Variants in AP1S3 observed in about 807,000 individuals in gnomAD.
AP1S3 encodes the protein AP-1 complex subunit sigma-3.
AP1S3 carries 10 observed loss-of-function variants against 20.9 expected under a neutral mutation model. The ratio of observed to expected loss-of-function variants is 0.48; its 90% CI spans 0.29 to 0.81. AP1S3 has a LOEUF of 0.81. Among genes scored for constraint, AP1S3 ranks in the 30% least tolerant of loss-of-function variants. The pLI is 0.08. For missense variants in AP1S3, 154 were observed against 183.8 expected (o/e 0.84, Z 0.94); for synonymous variants, 41 against 61.5 (o/e 0.67, Z 1.56).
At chr2:223,815,994 C>T (rs1004049847) in intron 1 of AP1S3, among the ~76,000 whole-genome samples, 2 of 152,158 alleles carry the variant, frequency 1.3e-5, no homozygotes, top group African/African-American at 4.8e-5. Context: ...CCTGTGGTCC[C>T]AGCTACTCAG....
At chr2:223,817,969 A>G (rs1691893292) in intron 1 of AP1S3, among the ~76,000 whole-genome samples, 1 of 152,132 alleles carries the variant, frequency 6.6e-6, no homozygotes, top group Admixed American at 6.5e-5. Context: ...GGGCACTTTT[A>G]TATACATTAT....
At position 223,780,341 on chromosome 2, in the gene AP1S3, AGAGAGAGAGAGAGAGAGTGTGT is replaced by A. The variant is rs1438551775; in HGVS notation, c.4-2494_4-2473del. Among the ~76,000 whole-genome samples, 189 of 121,742 alleles carry A rather than the reference AGAGAGAGAGAGAGAGAGTGTGT, an allele frequency of 1.6e-3. 2 individuals are homozygous for A. The highest frequency in any genetic ancestry group is 6.2e-3 in the African/African-American group (177 of 28,454). 79.9% of individuals were successfully genotyped at this position (121,742 alleles called of 152,430 possible). ...GAGAGAGAGAGAGAGAGAGAGAGAG[AGAGAGAGAGAGAGAGAGTGTGT>A]GTGTGTGTGTGTGTGTGTGTGTGTG... is the stretch of plus-strand genomic sequence containing the variant. On this transcript the variant is annotated intron_variant, in intron 1 of 4. Transcript: ENST00000396654.
At chr2:223,791,485 C>G (rs1015219861) in intron 1 of AP1S3, among the ~76,000 whole-genome samples, 2 of 152,120 alleles carry the variant, frequency 1.3e-5, no homozygotes, top group South Asian at 2.1e-4. Flanking sequence ...ATTCAACATC[C>G]CTTCATGTTA....
intron 1 of AP1S3, among the ~76,000 whole-genome samples, chr2:223,814,575 C>A (rs1691802606): frequency 6.6e-6 from 1 of 152,082 alleles, no homozygotes; most frequent in Non-Finnish European, 1.5e-5. Flanking sequence ...TTCCAAAGAC[C>A]CTAACAAACT....
At chr2:223,821,258 C>A (rs140479953) in intron 1 of AP1S3, among the ~76,000 whole-genome samples, 2 of 152,204 alleles carry the variant, frequency 1.3e-5, no homozygotes, top group African/African-American at 4.8e-5. Context: ...CAGATTCAAG[C>A]GATTTTCCTG....
rs1032810147 is a variant in AP1S3 at position 223,756,928 on chromosome 2, G to A, written c.*1787C>T. The A allele has an allele frequency of 3.0e-6, 3 of 984,934 alleles. No homozygotes were observed. In the African/African-American group the frequency reaches 5.3e-5, roughly 17 times the overall value. 61.0% of individuals were successfully genotyped at this position (984,934 alleles called of 1,614,324 possible). A position where few individuals can be genotyped will look rare whatever the true frequency, so the allele number is the denominator to read the frequency against. ...AGACCTCAAAGCTAACATTGAAAAT[G>A]CACAGGTAAAACATCAAATAGCAGG... On this transcript the variant is annotated 3_prime_UTR_variant, in exon 5 of 5. Transcript: ENST00000396654.
chr2:223,777,136 C>A (rs1368458458), intron 2 of AP1S3, among the ~76,000 whole-genome samples: 1 of 152,156 alleles, frequency 6.6e-6, no homozygotes, highest in Non-Finnish European at 1.5e-5. Flanking sequence ...TGGCTCACGC[C>A]TGTAATCCCA....
At chr2:223,758,822 G>T in intron 4 of AP1S3, 72 bp from the exon 5 acceptor site, 1 of 1,319,000 alleles carries the variant, frequency 7.6e-7, no homozygotes, top group Non-Finnish European at 1.1e-6. Flanking sequence ...GAAATCTTCT[G>T]CATTCTTTTA....
At chr2:223,782,780 T>C (rs986731632) in intron 1 of AP1S3, among the ~76,000 whole-genome samples, 2 of 152,184 alleles carry the variant, frequency 1.3e-5, no homozygotes, top group Admixed American at 6.5e-5. Flanking sequence ...TGAGGCAGTG[T>C]TGGAAGATTT....
chr2:223,798,834 G>T (rs1174590550), intron 1 of AP1S3, among the ~76,000 whole-genome samples: 1 of 152,196 alleles, frequency 6.6e-6, no homozygotes, highest in Non-Finnish European at 1.5e-5. Context: ...CACTTTGGGA[G>T]GCCAAGGTGG....
intron 3 of AP1S3, among the ~76,000 whole-genome samples, chr2:223,766,444 T>C (rs144723209): frequency 3.9e-5 from 6 of 152,240 alleles, no homozygotes; most frequent in African/African-American, 1.4e-4. Context: ...TGGATCCCAT[T>C]TGTCTATTTT....
At chr2:223,765,116 A>G (rs964533765) in intron 4 of AP1S3, 97 bp downstream of exon 4, 2 of 1,523,816 alleles carry the variant, frequency 1.3e-6, no homozygotes, top group Non-Finnish European at 1.8e-6. Flanking sequence ...CCCAGCACAG[A>G]GTAAGTACTC....
At chr2:223,786,119 T>C (rs987173232) in intron 1 of AP1S3, among the ~76,000 whole-genome samples, 1 of 152,126 alleles carries the variant, frequency 6.6e-6, no homozygotes, top group Non-Finnish European at 1.5e-5. Flanking sequence ...TTAACACTGC[T>C]CTAAAAAAAT....
intron 1 of AP1S3, among the ~76,000 whole-genome samples, chr2:223,829,932 T>C (rs1005608117): frequency 1.4e-4 from 22 of 152,126 alleles, no homozygotes; most frequent in African/African-American, 4.6e-4. Flanking sequence ...TGAGGAATAC[T>C]GAAAGACTGT....
At chr2:223,810,024 C>T (rs1242782634) in intron 1 of AP1S3, among the ~76,000 whole-genome samples, 2 of 151,986 alleles carry the variant, frequency 1.3e-5, no homozygotes, top group Non-Finnish European at 2.9e-5. Flanking sequence ...CCGTGCCCGG[C>T]CTATTTTACT....
rs541016512 is a variant in AP1S3 at position 223,793,666 on chromosome 2, C to A, written c.4-15797G>T. On this transcript the variant is annotated intron_variant, in intron 1 of 4. Coordinates refer to ENST00000396654, the MANE Select transcript of AP1S3 (RefSeq NM_001039569.2). ...CTTAATACCTAGGTGATGGGATGAT[C>A]TGTGCAGCATGCTCAAGTATATAAT... is the stretch of plus-strand genomic sequence containing the variant. Among the ~76,000 whole-genome samples, 3 of 152,168 alleles carry A rather than the reference C, an allele frequency of 2.0e-5. No individual in the cohort carries two copies. The South Asian group carries it at 6.2e-4, about 32-fold the overall frequency.
intron 1 of AP1S3, among the ~76,000 whole-genome samples, chr2:223,796,640 C>CT (rs1691344416): frequency 6.6e-6 from 1 of 151,982 alleles, no homozygotes; most frequent in Non-Finnish European, 1.5e-5. Flanking sequence ...CATTTTTTCA[C>CT]TTATGGGTGT....
At chr2:223,771,094 G>C (rs546123940) in intron 3 of AP1S3, among the ~76,000 whole-genome samples, 22 of 151,966 alleles carry the variant, frequency 1.4e-4, no homozygotes, top group Admixed American at 2.6e-4. Flanking sequence ...CAGCACTTTG[G>C]GGGGGCTGAG....
intron 1 of AP1S3, among the ~76,000 whole-genome samples, chr2:223,831,620 A>T (rs914260946): frequency 6.6e-6 from 1 of 152,212 alleles, no homozygotes; most frequent in African/African-American, 2.4e-5. Flanking sequence ...ATCGGGGAAA[A>T]CTAGGTATAC....
Sources: gnomAD v4.1 joint callset for allele counts (sites outside exome capture counted in the v4.1 genomes callset) on GRCh38, gnomAD v4.1.1 for gene constraint, MANE v1.5 for transcripts, NCBI Gene and HGNC (gene_info 2026-07-23, HGNC 2026-07-21) for gene names.